Variants in PIK3C3 observed in about 807,000 individuals in gnomAD.
The protein encoded by PIK3C3 is PI3-kinase type 3.
Under a neutral mutation model 126.1 loss-of-function variants are expected in PIK3C3, and 95 were observed. The observed-to-expected ratio is 0.75, with a 90% CI of 0.64 to 0.89. The LOEUF (loss-of-function observed/expected upper bound fraction) is 0.89, where lower values mean the gene tolerates loss of function less well. PIK3C3 is among the 40% of genes least tolerant of loss of function. The pLI is 0.00. For synonymous variants in PIK3C3, 374 were observed against 360.0 expected (o/e 1.04, Z -0.44); for missense variants, 829 against 1,063.2 (o/e 0.78, Z 3.06).
rs143476761 is a variant in PIK3C3, at chr18:42,030,462, T to C, written c.1707+1021T>C. Among the ~76,000 whole-genome samples, 335 of 152,294 alleles carry C rather than the reference T, an allele frequency of 2.2e-3. 1 individual carries two copies. The highest frequency in any genetic ancestry group is 7.5e-3 in the African/African-American group (310 of 41,572). On this transcript the variant is annotated intron_variant, in intron 15 of 24. Transcript: ENST00000262039. ...ACCTTTGTAAAACAACACATTTTAGTGTTCCTTTGACTTTTAAAGGACAGC... is the reference window on the plus strand; with the variant it reads ...ACCTTTGTAAAACAACACATTTTAGCGTTCCTTTGACTTTTAAAGGACAGC...
intron 4 of PIK3C3, among the ~76,000 whole-genome samples, chr18:41,976,837 A>C (rs550705813): frequency 7.0e-4 from 107 of 152,364 alleles, no homozygotes; most frequent in African/African-American, 2.5e-3. Flanking sequence ...ATTCATGAAA[A>C]GATGAAAGCG....
chr18:42,038,332 T>G (rs1443792239), intron 17 of PIK3C3, among the ~76,000 whole-genome samples: 1 of 152,076 alleles, frequency 6.6e-6, no homozygotes, highest in Non-Finnish European at 1.5e-5. Flanking sequence ...ATTTTGATGA[T>G]CAAAGTTAAA....
At chr18:41,959,553 T>TA (rs1177771115) in intron 2 of PIK3C3, among the ~76,000 whole-genome samples, 5 of 152,024 alleles carry the variant, frequency 3.3e-5, no homozygotes, top group Non-Finnish European at 7.4e-5. Context: ...ATAGGCTTTT[T>TA]AAAAAAATAC....
At chr18:42,015,702 C>T (rs371662170) in intron 12 of PIK3C3, 136 bp downstream of exon 12, 5 of 649,138 alleles carry the variant, frequency 7.7e-6, no homozygotes, top group South Asian at 2.0e-5. Flanking sequence ...TTATGATGCA[C>T]GTTTATAACT....
chr18:41,972,953 T>C (rs1006365702), intron 4 of PIK3C3, among the ~76,000 whole-genome samples: 4 of 152,070 alleles, frequency 2.6e-5, no homozygotes, highest in African/African-American at 9.7e-5. Context: ...TGCATTATAG[T>C]GGGAAGAGCA....
In PIK3C3 at chr18:42,082,738, T is replaced by C. The variant is rs974486082; in HGVS notation, c.*1601T>C. On this transcript the variant is annotated 3_prime_UTR_variant, in exon 25 of 25. Coordinates refer to ENST00000262039, the MANE Select transcript of PIK3C3 (RefSeq NM_002647.4). Reference sequence around the variant, plus strand: ...CTATTTCAGGATTTGGCATACTTTTTCTTTAATGGGCTAAGAAAGTAAATA... The same window carrying C: ...CTATTTCAGGATTTGGCATACTTTTCCTTTAATGGGCTAAGAAAGTAAATA... 1 of 152,194 alleles carries C rather than the reference T, an allele frequency of 6.6e-6. No individual in the cohort carries two copies. The highest frequency in any genetic ancestry group is 1.5e-5 in the Non-Finnish European group (1 of 68,042). 9.4% of individuals were successfully genotyped at this position (152,194 alleles called of 1,614,324 possible).
At chr18:42,076,183 TATATATATGCACACATATATATATGCAC>T (rs1986018521) in intron 24 of PIK3C3, among the ~76,000 whole-genome samples, 1 of 120,512 alleles carries the variant, frequency 8.3e-6, no homozygotes, top group African/African-American at 3.8e-5. Flanking sequence ...TATATGCACA[TATATATATGCACACATATATATATGCAC>T]ATATATATAT....
At chr18:42,028,849 A>G (rs1349710613) in intron 14 of PIK3C3, among the ~76,000 whole-genome samples, 1 of 152,230 alleles carries the variant, frequency 6.6e-6, no homozygotes, top group East Asian at 1.9e-4. Flanking sequence ...TTTAGTTTTT[A>G]TGACTTATAT....
At chr18:42,039,855 C>T (rs149387545) in intron 18 of PIK3C3, among the ~76,000 whole-genome samples, 8 of 152,104 alleles carry the variant, frequency 5.3e-5, no homozygotes, top group African/African-American at 1.7e-4. Flanking sequence ...AAATTTCTTC[C>T]GACATGGTCA....
In PIK3C3 at chr18:42,019,494, T is replaced by C. The variant is rs1274668510; in HGVS notation, c.1417-1144T>C. ...CAGAGTATTCAACAAAGTAAATAACTTTCTTCTTGAAAAACTAACTCTTCT... is the reference window on the plus strand; with the variant it reads ...CAGAGTATTCAACAAAGTAAATAACCTTCTTCTTGAAAAACTAACTCTTCT... On this transcript the variant is annotated intron_variant, in intron 12 of 24. Transcript: ENST00000262039. 3.3e-5 allele frequency among the ~76,000 whole-genome samples: 5 copies of C among 152,144 alleles called. No individual in the cohort carries two copies. In the South Asian group the frequency reaches 1.0e-3, roughly 31 times the overall value.
At chr18:42,059,764 G>A (rs1442096796) in intron 22 of PIK3C3, 1 of 150,768 alleles carries the variant, frequency 6.6e-6, no homozygotes, top group East Asian at 1.9e-4. Flanking sequence ...TAAATTATTT[G>A]ATCAACTTTT....
At chr18:42,007,011 C>T (rs1043664661) in intron 10 of PIK3C3, among the ~76,000 whole-genome samples, 1 of 151,810 alleles carries the variant, frequency 6.6e-6, no homozygotes, top group African/African-American at 2.4e-5. Context: ...CTGCAGGTGC[C>T]CGCCACCACC....
intron 12 of PIK3C3, among the ~76,000 whole-genome samples, chr18:42,019,905 C>T (rs1380335482): frequency 1.3e-5 from 2 of 152,024 alleles, no homozygotes; most frequent in Non-Finnish European, 2.9e-5. Flanking sequence ...CTATTAATGC[C>T]TTTCTTTCCT....
intron 4 of PIK3C3, among the ~76,000 whole-genome samples, chr18:41,981,580 A>G (rs1981201334): frequency 6.6e-6 from 1 of 152,200 alleles, no homozygotes; most frequent in Non-Finnish European, 1.5e-5. Context: ...TCTCTAAAAC[A>G]TGCACACGTA....
chr18:42,032,285 A>T (rs1983863496), intron 15 of PIK3C3, among the ~76,000 whole-genome samples: 1 of 152,176 alleles, frequency 6.6e-6, no homozygotes, highest in Non-Finnish European at 1.5e-5. Context: ...CAGTAATAGG[A>T]GATGAAGTTA....
At chr18:42,023,962 C>T (rs928072197) in intron 13 of PIK3C3, among the ~76,000 whole-genome samples, 1 of 152,112 alleles carries the variant, frequency 6.6e-6, no homozygotes, top group Non-Finnish European at 1.5e-5. Context: ...TGAATAGTGT[C>T]AACCTTTTAA....
rs555126222 is a variant in PIK3C3, at chr18:42,078,327, A to AG, written c.2650-2795dup. The stretch of plus-strand genomic sequence containing the variant: ...GGGAAGCGGAGCTTGCAGTGAGCCG[A>AG]GATTGCGCCACTGCAGTCCGCAGTC... On this transcript the variant is annotated intron_variant, in intron 24 of 24. Coordinates refer to ENST00000262039, the MANE Select transcript of PIK3C3 (RefSeq NM_002647.4). Among the ~76,000 whole-genome samples the AG allele has an allele frequency of 4.5e-3, 638 of 142,038 alleles. 6 individuals carry two copies. Among genetic ancestry groups the AG allele is most frequent in the South Asian group, 7.6e-3 (32 of 4,196 alleles). The allele number at this position is 142,038 out of a possible 152,430, so 93.2% of individuals were successfully genotyped here. A position where few individuals can be genotyped will look rare whatever the true frequency, so the allele number is the denominator to read the frequency against.
intron 18 of PIK3C3, among the ~76,000 whole-genome samples, chr18:42,039,817 G>C (rs1191500528): frequency 1.3e-5 from 2 of 152,164 alleles, no homozygotes; most frequent in Non-Finnish European, 2.9e-5. Flanking sequence ...TGTAGGCAGT[G>C]TCAAACATCT....
intron 22 of PIK3C3, among the ~76,000 whole-genome samples, chr18:42,061,424 A>G (rs1985309392): frequency 6.6e-6 from 1 of 152,106 alleles, no homozygotes; most frequent in East Asian, 1.9e-4. Context: ...CTCTACTAAA[A>G]ATACAAAAAT....
Sources: allele counts gnomAD v4.1 joint callset (sites outside exome capture counted in the v4.1 genomes callset), GRCh38; gene constraint gnomAD v4.1.1; transcripts MANE v1.5; gene names NCBI Gene and HGNC (gene_info 2026-07-23, HGNC 2026-07-21).